FBXL20: variants seen among roughly 807,000 people sequenced by gnomAD.
The protein encoded by FBXL20 is F-box and leucine rich repeat protein 20.
In FBXL20, 11 loss-of-function variants were observed where a neutral mutation model predicts 64.0. That is an observed-to-expected ratio of 0.17 (90% confidence interval 0.11 to 0.28). FBXL20 has a LOEUF of 0.28. FBXL20 is among the 10% of genes least tolerant of loss of function. The pLI, the probability that FBXL20 is intolerant of heterozygous loss-of-function variation, is 1.00. For synonymous variants in FBXL20, 184 were observed against 189.0 expected (o/e 0.97, Z 0.22); for missense variants, 303 against 526.2 (o/e 0.58, Z 4.15).
intron 2 of FBXL20, among the ~76,000 whole-genome samples, chr17:39,327,196 C>G (rs1253398940): frequency 6.6e-6 from 1 of 152,114 alleles, no homozygotes; most frequent in Non-Finnish European, 1.5e-5. Flanking sequence ...CTGTCTTGGC[C>G]TTTAAAAGTG....
intron 1 of FBXL20, among the ~76,000 whole-genome samples, chr17:39,390,674 C>A (rs952924805): frequency 1.3e-5 from 2 of 152,094 alleles, no homozygotes; most frequent in Non-Finnish European, 2.9e-5. Context: ...CTGCAGTGAG[C>A]CCTGATGTCA....
intron 2 of FBXL20, among the ~76,000 whole-genome samples, chr17:39,342,024 C>T (rs557859182): frequency 1.3e-5 from 2 of 152,252 alleles, no homozygotes; most frequent in South Asian, 4.1e-4. Context: ...TTGCTCCCCA[C>T]TCCTATCCCG....
chr17:39,281,358 A>T, intron 9 of FBXL20, 31 bp downstream of exon 9: 1 of 1,600,542 alleles, frequency 6.2e-7, no homozygotes. Flanking sequence ...TGAATTACTA[A>T]AACAGAAGAG....
chr17:39,270,517 C>G (rs1325271899), intron 11 of FBXL20, among the ~76,000 whole-genome samples: 1 of 151,974 alleles, frequency 6.6e-6, no homozygotes, highest in Non-Finnish European at 1.5e-5. Context: ...GCACTCCAGC[C>G]TGGGTGACAG....
intron 2 of FBXL20, among the ~76,000 whole-genome samples, chr17:39,328,991 G>A (rs2047435684): frequency 6.6e-6 from 1 of 152,068 alleles, no homozygotes; most frequent in African/African-American, 2.4e-5. Context: ...GAGTTCAAGG[G>A]TGCAGTGTGC....
Position 39,270,499 on chromosome 17 carries a change from G to A in FBXL20, c.888+297C>T, listed in dbSNP as rs112964903. 9.4e-3 allele frequency among the ~76,000 whole-genome samples: 1,430 copies of A among 152,106 alleles called. 18 individuals carry two copies. Among genetic ancestry groups the A allele is most frequent in the African/African-American group, 0.033 (1,351 of 41,484 alleles). On this transcript the variant is annotated intron_variant, in intron 11 of 14. Transcript: ENST00000264658. Reference sequence around the variant, plus strand: ...GTGGAGGTTGCAGTGAGCCGAGATCGTGTCACTGCACTCCAGCCTGGGTGA... The same window carrying A: ...GTGGAGGTTGCAGTGAGCCGAGATCATGTCACTGCACTCCAGCCTGGGTGA...
In FBXL20 at chr17:39,305,819, C is replaced by T. The variant is rs569818191; in HGVS notation, c.105-2180G>A. On this transcript the variant is annotated intron_variant, in intron 2 of 14. Coordinates refer to ENST00000264658, the MANE Select transcript of FBXL20 (RefSeq NM_032875.3). Reference sequence around the variant, plus strand: ...TGACAAACATGGTGAAACCCCGTTTCTACTAAAAATACAAAATTAGCCAGG... The same window carrying T: ...TGACAAACATGGTGAAACCCCGTTTTTACTAAAAATACAAAATTAGCCAGG... Among the ~76,000 whole-genome samples, 5 of 152,040 alleles carry T rather than the reference C, an allele frequency of 3.3e-5. No homozygotes were observed. In the East Asian group the frequency reaches 9.7e-4, roughly 30 times the overall value.
intron 5 of FBXL20, 49 bp downstream of exon 5, chr17:39,298,941 G>A: frequency 6.9e-7 from 1 of 1,452,554 alleles, no homozygotes; most frequent in South Asian, 1.2e-5. Flanking sequence ...GTGAGATGGT[G>A]CTGCTCTTCA....
In FBXL20 at chr17:39,266,296, T is replaced by C. The variant is rs555712668; in HGVS notation, c.934-843A>G. On this transcript the variant is annotated intron_variant, in intron 12 of 14. Coordinates refer to ENST00000264658, the MANE Select transcript of FBXL20 (RefSeq NM_032875.3). ...GTGTGGTGGCACGATCTCAGCTCAC[T>C]GCAACCTCCACCTCCTGGGTTCAAG... Among the ~76,000 whole-genome samples the C allele has an allele frequency of 3.3e-5, 5 of 150,774 alleles. No homozygotes were observed. The East Asian group carries it at 6.0e-4, about 18-fold the overall frequency.
intron 6 of FBXL20, 71 bp from the exon 7 acceptor site, chr17:39,285,644 GTTC>G (rs2046982481): frequency 1.0e-6 from 1 of 981,276 alleles, no homozygotes; most frequent in Non-Finnish European, 1.5e-6. Context: ...ATCAGACACT[GTTC>G]TTATTAAACA....
chr17:39,267,949 C>T (rs2046807037), intron 12 of FBXL20, among the ~76,000 whole-genome samples: 1 of 152,296 alleles, frequency 6.6e-6, no homozygotes, highest in Admixed American at 6.5e-5. Flanking sequence ...GTGGCTTTTA[C>T]AGTTACTGAC....
At chr17:39,315,625 G>C (rs989299607) in intron 2 of FBXL20, among the ~76,000 whole-genome samples, 16 of 151,710 alleles carry the variant, frequency 1.1e-4, no homozygotes, top group African/African-American at 3.9e-4. Context: ...GGAGATACTG[G>C]GATACAAGCA....
intron 1 of FBXL20, among the ~76,000 whole-genome samples, chr17:39,390,471 G>A (rs1009443952): frequency 6.6e-6 from 1 of 151,812 alleles, no homozygotes; most frequent in Non-Finnish European, 1.5e-5. Context: ...TGAGGCAGGA[G>A]AATCACTTTA....
At chr17:39,285,396 C>T in intron 7 of FBXL20, 82 bp downstream of exon 7, 1 of 935,036 alleles carries the variant, frequency 1.1e-6, no homozygotes, top group Non-Finnish European at 1.5e-6. Context: ...GAGTTGCCTT[C>T]AATTCCCACT....
intron 1 of FBXL20, among the ~76,000 whole-genome samples, chr17:39,361,419 T>C (rs2047792426): frequency 6.6e-6 from 1 of 152,166 alleles, no homozygotes; most frequent in East Asian, 1.9e-4. Flanking sequence ...GAACTGAGAA[T>C]ATTGAGAGCC....
At position 39,269,004 on chromosome 17, in the gene FBXL20, T is replaced by C. The variant is rs2046816314; in HGVS notation, c.889-133A>G. 1.0e-5 allele frequency: 8 copies of C among 790,488 alleles called. No homozygotes were observed. In the East Asian group the frequency reaches 2.0e-4, roughly 20 times the overall value. 49.0% of individuals were successfully genotyped at this position (790,488 alleles called of 1,614,324 possible). A position where few individuals can be genotyped will look rare whatever the true frequency, so the allele number is the denominator to read the frequency against. The stretch of plus-strand genomic sequence containing the variant: ...CTTTGGTGTTTCAGAGCTAGTGTCA[T>C]GCTAATTTTTTTTTCTTTCTTTTGA... On this transcript the variant is annotated intron_variant, in intron 11 of 14. Transcript: ENST00000264658.
rs533601930 is a variant in FBXL20, at chr17:39,301,754, G to T, written c.160-679C>A. 1.3e-4 allele frequency among the ~76,000 whole-genome samples: 20 copies of T among 152,060 alleles called. No homozygotes were observed. In the East Asian group the frequency reaches 2.3e-3, roughly 18 times the overall value. ...GGGGGAAAAATTAAAAAAATTAGTCGGGCATGGTGGCACACAACTGTAGTC... is the reference window on the plus strand; with the variant it reads ...GGGGGAAAAATTAAAAAAATTAGTCTGGCATGGTGGCACACAACTGTAGTC... On this transcript the variant is annotated intron_variant, in intron 3 of 14. Transcript: ENST00000264658.
chr17:39,390,367 C>A (rs1395330157), intron 1 of FBXL20, among the ~76,000 whole-genome samples: 14 of 151,898 alleles, frequency 9.2e-5, no homozygotes, highest in Admixed American at 9.2e-4. Context: ...TCAAGACTAG[C>A]CTGACCAACA....
intron 2 of FBXL20, among the ~76,000 whole-genome samples, chr17:39,310,527 T>G (rs910220466): frequency 6.6e-6 from 1 of 152,062 alleles, no homozygotes; most frequent in African/African-American, 2.4e-5. Flanking sequence ...TTAGTCGACT[T>G]GCAATAAAAA....
Sources: allele counts gnomAD v4.1 joint callset (sites outside exome capture counted in the v4.1 genomes callset), GRCh38; gene constraint gnomAD v4.1.1; transcripts MANE v1.5; gene names NCBI Gene and HGNC (gene_info 2026-07-23, HGNC 2026-07-21).